The following CACNG5 variants were observed in gnomAD, a reference collection of about 807,000 sequenced individuals.
CACNG5 encodes calcium voltage-gated channel auxiliary subunit gamma 5.
A neutral mutation model predicts 24.8 loss-of-function variants in CACNG5; 18 were observed. That is an observed-to-expected ratio of 0.73 (90% CI 0.50 to 1.08). The LOEUF (loss-of-function observed/expected upper bound fraction) is 1.08. Among genes scored for constraint, CACNG5 ranks in the 50% least tolerant of loss-of-function variants. The probability of loss-of-function intolerance (pLI) is 0.00; values close to 1 mark genes in which losing one functional copy is unlikely to be tolerated. For missense variants in CACNG5, 349 were observed against 367.9 expected (o/e 0.95, Z 0.42); for synonymous variants, 157 against 149.1 (o/e 1.05, Z -0.39).
chr17:66,875,789 G>A (rs1977068260), intron 1 of CACNG5, among the ~76,000 whole-genome samples: 2 of 152,174 alleles, frequency 1.3e-5, no homozygotes, highest in Non-Finnish European at 2.9e-5. Flanking sequence ...TTGCAATATT[G>A]CAAGGTGCCA....
intron 1 of CACNG5, among the ~76,000 whole-genome samples, chr17:66,841,786 T>C (rs917762421): frequency 6.6e-6 from 1 of 152,186 alleles, no homozygotes; most frequent in Non-Finnish European, 1.5e-5. Flanking sequence ...GGATTCATCT[T>C]CTCCACAATC....
chr17:66,871,814 C>T (rs574688832), intron 1 of CACNG5, among the ~76,000 whole-genome samples: 2 of 152,106 alleles, frequency 1.3e-5, no homozygotes, highest in African/African-American at 4.8e-5. Context: ...GAGCCAAGAT[C>T]GCACCACGGC....
chr17:66,884,421 C>A (rs1327878914), intron 4 of CACNG5, 95 bp from the exon 5 acceptor site: 7 of 1,344,530 alleles, frequency 5.2e-6, no homozygotes, highest in Non-Finnish European at 6.1e-6. Flanking sequence ...AGGCTGGTGG[C>A]TTTGCTCCTG....
At chr17:66,838,295 TGA>T (rs1209420878) in intron 1 of CACNG5, among the ~76,000 whole-genome samples, 1 of 151,676 alleles carries the variant, frequency 6.6e-6, no homozygotes, top group Non-Finnish European at 1.5e-5. Flanking sequence ...TTTCCTGGGC[TGA>T]GAGTGGCCTG....
Position 66,887,495 on chromosome 17 carries a change from C to T in CACNG5, c.*2255C>T, listed in dbSNP as rs1349062442. ...CAGAATAATACCAAAACCATGTTCT[C>T]CTCACCGCAAAGTAAAGGAATCAGT... On this transcript the variant is annotated 3_prime_UTR_variant, in exon 6 of 6. Transcript: ENST00000533854. Among the ~76,000 whole-genome samples, 1 of 152,188 alleles carries T rather than the reference C, an allele frequency of 6.6e-6. No individual in the cohort carries two copies. The highest frequency in any genetic ancestry group is 1.5e-5 in the Non-Finnish European group (1 of 68,040).
chr17:66,835,458 GTGTC>G (rs1000731636), intron 1 of CACNG5, among the ~76,000 whole-genome samples: 3 of 152,208 alleles, frequency 2.0e-5, no homozygotes, highest in South Asian at 2.1e-4. Flanking sequence ...GCGTGTGCGT[GTGTC>G]TGTCTGTCCA....
intron 1 of CACNG5, among the ~76,000 whole-genome samples, chr17:66,837,686 T>C (rs1976499694): frequency 6.6e-6 from 1 of 152,162 alleles, no homozygotes; most frequent in Admixed American, 6.5e-5. Flanking sequence ...ATCCTTAACA[T>C]CAATGACTTG....
At chr17:66,862,476 C>T (rs757764599) in intron 1 of CACNG5, among the ~76,000 whole-genome samples, 2 of 151,216 alleles carry the variant, frequency 1.3e-5, no homozygotes, top group Non-Finnish European at 2.9e-5. Flanking sequence ...TGTGTGTATG[C>T]GAAAGTGCAC....
At chr17:66,841,822 C>T (rs1444012693) in intron 1 of CACNG5, among the ~76,000 whole-genome samples, 1 of 152,310 alleles carries the variant, frequency 6.6e-6, no homozygotes, top group East Asian at 1.9e-4. Flanking sequence ...TGCTCTGTGT[C>T]AAGGGTCAGG....
chr17:66,839,790 T>C (rs12946248), intron 1 of CACNG5, among the ~76,000 whole-genome samples: 93,766 of 151,884 alleles, frequency 0.62, 29,873 homozygotes, highest in East Asian at 0.91. Context: ...TCAGTGAGCA[T>C]TCACTACCTG....
At chr17:66,856,157 C>G (rs1224079053) in intron 1 of CACNG5, among the ~76,000 whole-genome samples, 3 of 152,086 alleles carry the variant, frequency 2.0e-5, no homozygotes, top group Non-Finnish European at 4.4e-5. Flanking sequence ...GTATTTTGTA[C>G]TTGTGTTTAT....
At position 66,884,565 on chromosome 17, in the gene CACNG5, T is replaced by A. The variant is rs748377257; in HGVS notation, c.474T>A (p.Asp158Glu). 1.9e-6 allele frequency: 3 copies of A among 1,606,956 alleles called. 1 individual carries two copies. Among genetic ancestry groups the A allele is most frequent in the South Asian group, 2.2e-5 (2 of 90,926 alleles). The change falls in exon 5 of 6, where the codon GAT becomes GAA. Residue 158 changes from aspartate (D) to glutamate (E), a missense_variant. Coordinates refer to ENST00000533854, the MANE Select transcript of CACNG5 (RefSeq NM_145811.3). Reference sequence around the variant, plus strand: ...TGCTCTACATCTCCAGCATCAACGATGAGATGCTCAACAGGACCAAGGATG... The same window carrying A: ...TGCTCTACATCTCCAGCATCAACGAAGAGATGCTCAACAGGACCAAGGATG... ...GLVLYISSINDEMLNRTKDAE... is the reference protein window; with the variant it reads ...GLVLYISSINEEMLNRTKDAE...
At chr17:66,880,499 G>A (rs985865540) in intron 3 of CACNG5, 58 bp from the exon 4 acceptor site, 1 of 1,607,886 alleles carries the variant, frequency 6.2e-7, no homozygotes, top group South Asian at 1.1e-5. Flanking sequence ...AACTCAGGAT[G>A]ATGAGGAATG....
rs752790776 is a variant in CACNG5 at position 66,879,028 on chromosome 17, C to T, written c.253C>T (p.Leu85=). The change falls in exon 3 of 6, where the codon CTG becomes TTG. Residue 85 remains leucine (L), a synonymous_variant. Coordinates refer to ENST00000533854, the MANE Select transcript of CACNG5 (RefSeq NM_145811.3). ...ATATGTGATGCCCATGAACACCCAG[C>T]TGACATCCGAGTCCACGGTCAATGT... ...IEYVMPMNTQ[L]TSESTVNVLK... is the part of the protein sequence containing the mutation. The T allele has an allele frequency of 6.2e-7, 1 of 1,614,006 alleles. No homozygotes were observed. The highest frequency in any genetic ancestry group is 1.1e-5 in the South Asian group (1 of 91,048).
rs115619526 is a variant in CACNG5, at chr17:66,892,393, C to T, written c.*7153C>T. 2.2e-3 allele frequency among the ~76,000 whole-genome samples: 333 copies of T among 152,354 alleles called. 2 individuals are homozygous for T. Among genetic ancestry groups the T allele is most frequent in the African/African-American group, 7.7e-3 (322 of 41,582 alleles). ...ATTCTGGAGCCAACGTGTTCTCCAG[C>T]CCACTGTCAGGGCCAAGCAAGCAGG... is the stretch of plus-strand genomic sequence containing the variant. On this transcript the variant is annotated 3_prime_UTR_variant, in exon 6 of 6. Transcript: ENST00000533854.
chr17:66,840,812 A>G (rs139797457), intron 1 of CACNG5, among the ~76,000 whole-genome samples: 67 of 152,220 alleles, frequency 4.4e-4, no homozygotes, highest in African/African-American at 1.5e-3. Context: ...TGTCGGGCAC[A>G]CCGGTGTGTT....
rs71160595 is a variant in CACNG5 at position 66,838,960 on chromosome 17, C to CTTTTTTTTTTTTTTTTTTTT, written c.-104+3729_-104+3730insTTTTTTTTTTTTTTTTTTTT. Among the ~76,000 whole-genome samples, 26 of 88,098 alleles carry CTTTTTTTTTTTTTTTTTTTT rather than the reference C, an allele frequency of 3.0e-4. 2 individuals carry two copies. Among genetic ancestry groups the CTTTTTTTTTTTTTTTTTTTT allele is most frequent in the Non-Finnish European group, 3.6e-4 (17 of 47,298 alleles). 57.8% of individuals were successfully genotyped at this position (88,098 alleles called of 152,430 possible). On this transcript the variant is annotated intron_variant, in intron 1 of 5. Transcript: ENST00000533854. Reference sequence around the variant, plus strand: ...GTAGCACCCCAGTCCCTCACCCATTCTTTTTTTTTTTTTTTTTTTGAGACA... The same window carrying CTTTTTTTTTTTTTTTTTTTT: ...GTAGCACCCCAGTCCCTCACCCATTCTTTTTTTTTTTTTTTTTTTTTTTTTTTTTTTTTTTTTTTGAGACA...
At chr17:66,867,974 A>G (rs1976953110) in intron 1 of CACNG5, among the ~76,000 whole-genome samples, 1 of 152,202 alleles carries the variant, frequency 6.6e-6, no homozygotes, top group South Asian at 2.1e-4. Flanking sequence ...AATTTCTGCA[A>G]AGAAAACAAT....
intron 1 of CACNG5, among the ~76,000 whole-genome samples, chr17:66,875,487 C>T (rs750960545): frequency 2.0e-5 from 3 of 152,180 alleles, no homozygotes; most frequent in Admixed American, 6.5e-5. Context: ...GCAGGGCCGG[C>T]GCTGTGGAAT....
Sources: gnomAD v4.1 joint callset for allele counts (sites outside exome capture counted in the v4.1 genomes callset) on GRCh38, gnomAD v4.1.1 for gene constraint, MANE v1.5 for transcripts, NCBI Gene and HGNC (gene_info 2026-07-23, HGNC 2026-07-21) for gene names.